SLC39A12: variants seen among roughly 807,000 people sequenced by gnomAD.
SLC39A12 encodes the protein zinc transporter ZIP12.
Under a neutral mutation model 71.1 loss-of-function variants are expected in SLC39A12, and 63 were observed. The observed-to-expected ratio is 0.89, with a 90% CI of 0.72 to 1.09. The LOEUF (loss-of-function observed/expected upper bound fraction) is 1.09, where lower values mean the gene tolerates loss of function less well. Among genes scored for constraint, SLC39A12 ranks in the 50% least tolerant of loss-of-function variants. The pLI, the probability that SLC39A12 is intolerant of heterozygous loss-of-function variation, is 0.00. For synonymous variants in SLC39A12, 351 were observed against 301.3 expected, an observed-to-expected ratio of 1.16 and a Z score of -1.71; for missense variants, 892 against 812.6, an observed-to-expected ratio of 1.10 and a Z score of -1.19.
chr10:17,967,289 A>G (rs1296081387), intron 4 of SLC39A12, among the ~76,000 whole-genome samples: 1 of 152,186 alleles, frequency 6.6e-6, no homozygotes, highest in East Asian at 1.9e-4. Context: ...GTTTTATGTT[A>G]GTACCTTCCA....
chr10:17,987,447 A>C, intron 6 of SLC39A12, 32 bp from the exon 7 acceptor site: 1 of 1,609,998 alleles, frequency 6.2e-7, no homozygotes, highest in African/African-American at 1.3e-5. Flanking sequence ...GGCACTGGGC[A>C]CTGACTGTGT....
intron 12 of SLC39A12, among the ~76,000 whole-genome samples, chr10:18,014,545 T>C (rs1345160168): frequency 6.6e-6 from 1 of 152,166 alleles, no homozygotes; most frequent in Non-Finnish European, 1.5e-5. Flanking sequence ...TGAAACCCAC[T>C]GGAAACAGAA....
At chr10:17,963,938 G>T (rs533279511) in intron 3 of SLC39A12, among the ~76,000 whole-genome samples, 2 of 152,238 alleles carry the variant, frequency 1.3e-5, no homozygotes, top group Admixed American at 1.3e-4. Context: ...AATCTGTTTT[G>T]TCCAAACCTC....
In SLC39A12 at chr10:17,995,716, A is replaced by C; in HGVS notation, c.1594A>C (p.Arg532=). Residue 532 remains arginine (R), a synonymous_variant, in exon 10 of 13, where the codon AGA becomes CGA. Transcript: ENST00000377369. ...MPIGSMTASN[R]KCKAISLLAI... ...TATAGGCAGTATGACAGCCTCCAACAGAAAATGTGAGTACCAAGCTAAACT... is the reference window on the plus strand; with the variant it reads ...TATAGGCAGTATGACAGCCTCCAACCGAAAATGTGAGTACCAAGCTAAACT... 1 of 1,612,782 alleles carries C rather than the reference A, an allele frequency of 6.2e-7. No homozygotes were observed. The highest frequency in any genetic ancestry group is 8.5e-7 in the Non-Finnish European group (1 of 1,179,460).
In SLC39A12 at chr10:18,041,702, T is replaced by C. The variant is rs1315402069; in HGVS notation, c.1948-1003T>C. On this transcript the variant is annotated intron_variant, in intron 12 of 12. Coordinates refer to ENST00000377369, the MANE Select transcript of SLC39A12 (RefSeq NM_001145195.2). The stretch of plus-strand genomic sequence containing the variant: ...ATATACATATGTATATATGTGTATA[T>C]ATATGTATATACATATGTATATATG... Among the ~76,000 whole-genome samples, 174 of 84,428 alleles carry C rather than the reference T, an allele frequency of 2.1e-3. 1 individual carries two copies. The highest frequency in any genetic ancestry group is 5.8e-3 in the African/African-American group (145 of 25,190). The allele number at this position is 84,428 out of a possible 152,430, so 55.4% of individuals were successfully genotyped here. A position where few individuals can be genotyped will look rare whatever the true frequency, so the allele number is the denominator to read the frequency against.
intron 2 of SLC39A12, among the ~76,000 whole-genome samples, chr10:17,954,966 A>G (rs1834503091): frequency 6.6e-6 from 1 of 152,200 alleles, no homozygotes; most frequent in African/African-American, 2.4e-5. Flanking sequence ...TGGTTCCCAG[A>G]GGAAATGTGT....
intron 10 of SLC39A12, among the ~76,000 whole-genome samples, chr10:17,997,081 A>AT (rs1291217707): frequency 6.6e-6 from 1 of 152,012 alleles, no homozygotes; most frequent in Non-Finnish European, 1.5e-5. Flanking sequence ...TGCACCAACA[A>AT]TTTTTTTGTG....
intron 5 of SLC39A12, among the ~76,000 whole-genome samples, chr10:17,980,937 G>C (rs933814234): frequency 5.3e-5 from 8 of 152,140 alleles, no homozygotes; most frequent in Non-Finnish European, 2.9e-5. Context: ...TTTATTGTAT[G>C]AAGTCTTTTT....
chr10:17,993,638 G>C (rs549452267), intron 9 of SLC39A12, among the ~76,000 whole-genome samples: 2 of 152,308 alleles, frequency 1.3e-5, no homozygotes, highest in South Asian at 2.1e-4. Context: ...GCCATGACTA[G>C]GTGGATGAAA....
At chr10:18,008,562 G>A (rs955926832) in intron 12 of SLC39A12, 3 of 152,166 alleles carry the variant, frequency 2.0e-5, no homozygotes, top group Non-Finnish European at 1.5e-5. Flanking sequence ...CCAACCGTCG[G>A]TCCACGGAAA....
chr10:17,992,986 A>C (rs1835593108), intron 8 of SLC39A12, among the ~76,000 whole-genome samples, 195 bp from the exon 9 acceptor site: 1 of 152,218 alleles, frequency 6.6e-6, no homozygotes. Flanking sequence ...CAGTGTAAAA[A>C]CTACCACTAT....
intron 12 of SLC39A12, among the ~76,000 whole-genome samples, chr10:18,014,055 T>G (rs920850514): frequency 1.5e-4 from 23 of 152,300 alleles, no homozygotes; most frequent in African/African-American, 5.5e-4. Flanking sequence ...TAAGTAGTAT[T>G]GATATCTTAA....
Position 18,028,352 on chromosome 10 carries a change from T to C in SLC39A12, c.1948-14353T>C, listed in dbSNP as rs11012244. On this transcript the variant is annotated intron_variant, in intron 12 of 12. Transcript: ENST00000377369. Reference sequence around the variant, plus strand: ...TGATCTTTCTTCTTCAGTGTGTATATTTATGAATCATGAATAAAGGTAAAT... The same window carrying C: ...TGATCTTTCTTCTTCAGTGTGTATACTTATGAATCATGAATAAAGGTAAAT... Among the ~76,000 whole-genome samples the C allele has an allele frequency of 8.6e-3, 1,307 of 152,336 alleles. 108 individuals are homozygous for C. In the East Asian group the frequency reaches 0.19, roughly 22 times the overall value.
At chr10:17,979,657 A>T (rs1649940177) in intron 5 of SLC39A12, among the ~76,000 whole-genome samples, 1 of 152,202 alleles carries the variant, frequency 6.6e-6, no homozygotes, top group African/African-American at 2.4e-5. Flanking sequence ...CTTTCTGTGG[A>T]TGCTTTCTGT....
intron 12 of SLC39A12, among the ~76,000 whole-genome samples, chr10:18,036,978 C>T (rs553746087): frequency 4.0e-5 from 6 of 151,020 alleles, no homozygotes; most frequent in Admixed American, 2.6e-4. Context: ...ATAGAGTCTG[C>T]GTTTCACCAT....
At chr10:17,986,483 G>A (rs1589232383) in intron 6 of SLC39A12, among the ~76,000 whole-genome samples, 1 of 152,120 alleles carries the variant, frequency 6.6e-6, no homozygotes, top group East Asian at 1.9e-4. Context: ...TTCATGGACT[G>A]GTGAAGGGAA....
rs145144715 is a variant in SLC39A12, at chr10:18,041,844, C to T, written c.1948-861C>T. Reference sequence around the variant, plus strand: ...ATATGTATGTACATACATATGTATACGTATATATATGTACATACATATGTA... The same window carrying T: ...ATATGTATGTACATACATATGTATATGTATATATATGTACATACATATGTA... On this transcript the variant is annotated intron_variant, in intron 12 of 12. Transcript: ENST00000377369. Among the ~76,000 whole-genome samples, 45 of 140,024 alleles carry T rather than the reference C, an allele frequency of 3.2e-4. 1 individual carries two copies. Among genetic ancestry groups the T allele is most frequent in the Middle Eastern group, 3.9e-3 (1 of 256 alleles). 91.9% of individuals were successfully genotyped at this position (140,024 alleles called of 152,430 possible).
intron 6 of SLC39A12, among the ~76,000 whole-genome samples, chr10:17,982,545 A>G (rs1835287638): frequency 1.3e-5 from 2 of 152,204 alleles, no homozygotes; most frequent in South Asian, 2.1e-4. Flanking sequence ...CAAGTGGCCT[A>G]ATTGAAAATG....
intron 4 of SLC39A12, among the ~76,000 whole-genome samples, chr10:17,971,973 T>C (rs1248812264): frequency 6.6e-6 from 1 of 152,208 alleles, no homozygotes; most frequent in Non-Finnish European, 1.5e-5. Context: ...CTTATAGCTA[T>C]AAACTTTCCT....
Sources: gnomAD v4.1 joint callset for allele counts (sites outside exome capture counted in the v4.1 genomes callset) on GRCh38, gnomAD v4.1.1 for gene constraint, MANE v1.5 for transcripts, NCBI Gene and HGNC (gene_info 2026-07-23, HGNC 2026-07-21) for gene names.